The following UGT3A1 variants were observed in gnomAD, a reference collection of about 807,000 sequenced individuals.
UGT3A1 encodes the protein UDP glycosyltransferase family 3 member A1.
A neutral mutation model predicts 37.6 loss-of-function variants in UGT3A1; 40 were observed. The observed-to-expected ratio is 1.06, with a 90% CI of 0.83 to 1.38. UGT3A1 has a LOEUF of 1.38. Among genes scored for constraint, UGT3A1 ranks in the 40% most tolerant of loss-of-function variants. The pLI, the probability that UGT3A1 is intolerant of heterozygous loss-of-function variation, is 0.00. For synonymous variants in UGT3A1, 256 were observed against 232.3 expected (o/e 1.10, Z -0.93); for missense variants, 642 against 634.2 (o/e 1.01, Z -0.13).
intron 2 of UGT3A1, among the ~76,000 whole-genome samples, chr5:35,986,796 G>C (rs931012493): frequency 3.9e-5 from 6 of 152,060 alleles, no homozygotes; most frequent in African/African-American, 1.2e-4. Flanking sequence ...ATAATCTATT[G>C]TATGTTTCAA....
intron 2 of UGT3A1, among the ~76,000 whole-genome samples, chr5:35,981,546 A>C (rs1740523024): frequency 6.6e-6 from 1 of 152,204 alleles, no homozygotes; most frequent in African/African-American, 2.4e-5. Flanking sequence ...GATGATTAGG[A>C]TATCTGGCTG....
At chr5:35,980,580 A>G (rs1740481653) in intron 2 of UGT3A1, among the ~76,000 whole-genome samples, 1 of 152,226 alleles carries the variant, frequency 6.6e-6, no homozygotes, top group Non-Finnish European at 1.5e-5. Flanking sequence ...CAAGTAGAAT[A>G]ATACCCAGAC....
chr5:35,956,835 T>C (rs1739373353), intron 5 of UGT3A1, among the ~76,000 whole-genome samples: 1 of 152,234 alleles, frequency 6.6e-6, no homozygotes, highest in Non-Finnish European at 1.5e-5. Context: ...CCCAGATATA[T>C]GCTCTTGGAG....
chr5:35,959,082 G>A (rs997187), intron 4 of UGT3A1, among the ~76,000 whole-genome samples: 62,410 of 152,010 alleles, frequency 0.41, 13,178 homozygotes, highest in Middle Eastern at 0.46. Flanking sequence ...GGGAAATTAA[G>A]GCATTCAAAA....
chr5:35,983,292 GA>G (rs1740602365), intron 2 of UGT3A1, among the ~76,000 whole-genome samples: 1 of 151,972 alleles, frequency 6.6e-6, no homozygotes, highest in African/African-American at 2.4e-5. Context: ...CAACAAATTG[GA>G]AAAACTAGAA....
intron 4 of UGT3A1, among the ~76,000 whole-genome samples, chr5:35,963,790 T>C (rs11738741): frequency 6.6e-6 from 1 of 152,122 alleles, no homozygotes; most frequent in Non-Finnish European, 1.5e-5. Context: ...GTACATGCTG[T>C]GGACACAGCC....
intron 4 of UGT3A1, chr5:35,961,351 G>C (rs1012273100): frequency 6.6e-6 from 1 of 152,340 alleles, no homozygotes; most frequent in African/African-American, 2.4e-5. Context: ...GGCTCCGGTT[G>C]CCTGACCATT....
At chr5:35,980,132 A>T (rs1740460885) in intron 2 of UGT3A1, among the ~76,000 whole-genome samples, 1 of 151,302 alleles carries the variant, frequency 6.6e-6, no homozygotes, top group Non-Finnish European at 1.5e-5. Flanking sequence ...TATGCAGTTT[A>T]TTATTTACAA....
At chr5:35,991,595 T>A, upstream of UGT3A1, 1 of 1,034,402 alleles carries the variant, frequency 9.7e-7, no homozygotes, top group South Asian at 4.1e-5. Flanking sequence ...TAAATCACGT[T>A]AATGAAGGCT....
chr5:35,987,433 T>C (rs1740771012), intron 2 of UGT3A1, among the ~76,000 whole-genome samples: 1 of 152,156 alleles, frequency 6.6e-6, no homozygotes, highest in Non-Finnish European at 1.5e-5. Context: ...GATTTTGGTG[T>C]GCATGGTCTG....
At chr5:35,974,465 C>A (rs558556027) in intron 2 of UGT3A1, among the ~76,000 whole-genome samples, 1 of 152,306 alleles carries the variant, frequency 6.6e-6, no homozygotes, top group East Asian at 1.9e-4. Context: ...AGCAATATTG[C>A]ACTCTACAGA....
chr5:35,956,041 C>G (rs1739344245), intron 5 of UGT3A1, among the ~76,000 whole-genome samples, 177 bp from the exon 6 acceptor site: 1 of 152,220 alleles, frequency 6.6e-6, no homozygotes, highest in Non-Finnish European at 1.5e-5. Flanking sequence ...ATTCAAGCCT[C>G]CCTTTCTGTA....
intron 2 of UGT3A1, among the ~76,000 whole-genome samples, chr5:35,969,521 G>C (rs1308846944): frequency 6.6e-6 from 1 of 150,968 alleles, no homozygotes; most frequent in East Asian, 2.0e-4. Flanking sequence ...CAACCAAAAA[G>C]AGAAAGAGAG....
At chr5:35,962,179 G>C (rs973896908) in intron 4 of UGT3A1, 3 of 152,190 alleles carry the variant, frequency 2.0e-5, no homozygotes, top group African/African-American at 7.2e-5. Flanking sequence ...TGTTCATCAG[G>C]ATCTGATTCA....
chr5:35,973,146 C>T (rs1031229224), intron 2 of UGT3A1, among the ~76,000 whole-genome samples: 13 of 152,196 alleles, frequency 8.5e-5, no homozygotes, highest in Non-Finnish European at 1.9e-4. Flanking sequence ...TTTCTACACC[C>T]ATCTGGAGAA....
intron 1 of UGT3A1, among the ~76,000 whole-genome samples, chr5:35,988,764 C>G (rs984367914): frequency 6.6e-6 from 1 of 152,108 alleles, no homozygotes; most frequent in Non-Finnish European, 1.5e-5. Flanking sequence ...GTCCTATGTT[C>G]GGGACCTGTG....
chr5:35,990,877 G>A, intron 1 of UGT3A1: 1 of 1,251,168 alleles, frequency 8.0e-7, no homozygotes, highest in Non-Finnish European at 1.0e-6. Flanking sequence ...TCAAATTTCT[G>A]GCCCCAGTCC....
upstream of UGT3A1, among the ~76,000 whole-genome samples, chr5:35,994,551 A>G (rs1231627692): frequency 1.3e-5 from 2 of 152,170 alleles, no homozygotes; most frequent in African/African-American, 4.8e-5. Flanking sequence ...TAAGATGTTC[A>G]GTGCCTCTGA....
chr5:35,982,144 T>G (rs1347616949), intron 2 of UGT3A1, among the ~76,000 whole-genome samples: 1 of 152,234 alleles, frequency 6.6e-6, no homozygotes, highest in East Asian at 1.9e-4. Context: ...AGAAGTCTGC[T>G]GCAGGGGTGG....
Sources: gnomAD v4.1 joint callset for allele counts (sites outside exome capture counted in the v4.1 genomes callset) on GRCh38, gnomAD v4.1.1 for gene constraint, MANE v1.5 for transcripts, NCBI Gene and HGNC (gene_info 2026-07-23, HGNC 2026-07-21) for gene names.